Variants in CSMD2 observed in about 807,000 individuals in gnomAD.
CSMD2 encodes CUB and Sushi multiple domains 2.
A neutral mutation model predicts 398.5 loss-of-function variants in CSMD2; 130 were observed. That is an observed-to-expected ratio of 0.33 (90% CI 0.28 to 0.38). The LOEUF (loss-of-function observed/expected upper bound fraction) is 0.38. CSMD2 is among the 10% of genes least tolerant of loss of function. CSMD2 has a pLI of 1.00. For missense variants in CSMD2, 3,829 were observed against 4,764.9 expected, an observed-to-expected ratio of 0.80 and a Z score of 5.78; for synonymous variants, 1,828 against 1,908.5, an observed-to-expected ratio of 0.96 and a Z score of 1.10.
At chr1:34,112,379 C>T (rs1209902763) in intron 1 of CSMD2, among the ~76,000 whole-genome samples, 7 of 152,166 alleles carry the variant, frequency 4.6e-5, no homozygotes, top group African/African-American at 1.7e-4. Context: ...CAGCCCCAGC[C>T]TATATAACTA....
At chr1:33,868,082 G>A (rs1346502921) in intron 5 of CSMD2, among the ~76,000 whole-genome samples, 2 of 152,162 alleles carry the variant, frequency 1.3e-5, no homozygotes, top group African/African-American at 2.4e-5. Flanking sequence ...GAGAGAGGGA[G>A]GGAAGGAGGA....
At chr1:34,038,006 G>A (rs1304956769) in intron 2 of CSMD2, among the ~76,000 whole-genome samples, 3 of 152,142 alleles carry the variant, frequency 2.0e-5, no homozygotes, top group Admixed American at 1.3e-4. Context: ...CCCAGGGTTG[G>A]TAGATAAATT....
intron 3 of CSMD2, among the ~76,000 whole-genome samples, chr1:33,985,759 C>T (rs12046322): frequency 0.19 from 29,308 of 152,124 alleles, 3,947 homozygotes; most frequent in East Asian, 0.67. Context: ...CCTTGGTGCA[C>T]TGCCAAGCTT....
chr1:33,848,806 G>C (rs1396604267), intron 5 of CSMD2, among the ~76,000 whole-genome samples: 1 of 103,250 alleles, frequency 9.7e-6, no homozygotes, highest in Non-Finnish European at 1.9e-5. Context: ...CAAACGTATT[G>C]TGGGTTTTTT....
intron 1 of CSMD2, among the ~76,000 whole-genome samples, chr1:34,159,328 G>A (rs943563850): frequency 8.7e-5 from 7 of 80,548 alleles, no homozygotes; most frequent in African/African-American, 2.3e-4. Context: ...TTTACAGCCT[G>A]CCCCCCCCCC....
intron 14 of CSMD2, among the ~76,000 whole-genome samples, chr1:33,741,373 A>G (rs1477467531): frequency 6.6e-6 from 1 of 152,174 alleles, no homozygotes; most frequent in East Asian, 1.9e-4. Context: ...ACACTTGGCC[A>G]TGGAGGATTG....
intron 49 of CSMD2, among the ~76,000 whole-genome samples, chr1:33,576,351 G>T (rs544329975): frequency 1.3e-5 from 2 of 152,322 alleles, no homozygotes; most frequent in East Asian, 3.9e-4. Context: ...AGCACTCTGG[G>T]AGACCGAGGT....
At chr1:33,990,885 G>A (rs904523180) in intron 3 of CSMD2, among the ~76,000 whole-genome samples, 2 of 152,038 alleles carry the variant, frequency 1.3e-5, no homozygotes, top group Admixed American at 6.6e-5. Context: ...GGATAAAAAT[G>A]AATAATGTTT....
intron 3 of CSMD2, among the ~76,000 whole-genome samples, chr1:33,955,826 G>C (rs953794288): frequency 6.6e-6 from 1 of 152,122 alleles, no homozygotes; most frequent in Non-Finnish European, 1.5e-5. Context: ...CCGGCGTTCA[G>C]TCTACTTTCT....
At position 33,652,449 on chromosome 1, in the gene CSMD2, C is replaced by T. The variant is rs773010391; in HGVS notation, c.4460G>A (p.Gly1487Glu). 6.2e-6 allele frequency: 10 copies of T among 1,614,052 alleles called. No homozygotes were observed. Among genetic ancestry groups the T allele is most frequent in the Non-Finnish European group, 8.5e-6 (10 of 1,179,968 alleles). The change falls in exon 28 of 71, where the codon GGA becomes GAA. Residue 1487 changes from glycine (G) to glutamate (E), a missense_variant. Transcript: ENST00000373381. ...GACTCCAGATGGTCCTGTCAGGTCT[C>T]CCCCGCAGGGAGCTGAGGAGAGAAG... ...SPPTCIAPCG[G>E]DLTGPSGVIL... is the part of the protein sequence containing the mutation.
chr1:33,730,617 GAA>G (rs59364675), intron 15 of CSMD2, among the ~76,000 whole-genome samples: 3,183 of 138,178 alleles, frequency 0.023, 120 homozygotes, highest in African/African-American at 0.076. Flanking sequence ...AAAAAGAAAT[GAA>G]AAAAAAAAAA....
chr1:34,091,273 C>T (rs1658525429), intron 1 of CSMD2, among the ~76,000 whole-genome samples: 1 of 152,112 alleles, frequency 6.6e-6, no homozygotes, highest in Non-Finnish European at 1.5e-5. Context: ...ATGGTAAATT[C>T]TCAATAATTT....
At chr1:33,590,456 G>C (rs1639360006) in intron 44 of CSMD2, among the ~76,000 whole-genome samples, 1 of 151,632 alleles carries the variant, frequency 6.6e-6, no homozygotes, top group Non-Finnish European at 1.5e-5. Flanking sequence ...ACAAATTTCT[G>C]TTTAATGCGG....
chr1:33,756,194 G>A (rs1417434025), intron 13 of CSMD2, among the ~76,000 whole-genome samples: 2 of 152,116 alleles, frequency 1.3e-5, no homozygotes, highest in East Asian at 1.9e-4. Flanking sequence ...CCTCTTTAGG[G>A]CACCTCATCC....
intron 4 of CSMD2, among the ~76,000 whole-genome samples, chr1:33,924,378 A>G (rs1026372533): frequency 5.3e-5 from 8 of 152,298 alleles, no homozygotes; most frequent in African/African-American, 1.9e-4. Context: ...TCCACCATGT[A>G]TGTGTATACC....
Position 33,630,516 on chromosome 1 carries a change from T to A in CSMD2, c.5200+2906A>T, listed in dbSNP as rs1318354299. On this transcript the variant is annotated intron_variant, in intron 32 of 70. Coordinates refer to ENST00000373381, the MANE Select transcript of CSMD2 (RefSeq NM_001281956.2). ...CTCAGAGAGGTCAAGTATTGTGCCT[T>A]AAGTCACCTAGAAAACAAATAGGAG... is the stretch of plus-strand genomic sequence containing the variant. 2.0e-5 allele frequency among the ~76,000 whole-genome samples: 3 copies of A among 152,220 alleles called. No individual in the cohort carries two copies. In the East Asian group the frequency reaches 5.8e-4, roughly 29 times the overall value.
At chr1:33,717,113 A>C (rs1371383976) in intron 19 of CSMD2, among the ~76,000 whole-genome samples, 1 of 152,046 alleles carries the variant, frequency 6.6e-6, no homozygotes, top group Non-Finnish European at 1.5e-5. Flanking sequence ...CAGGAGACCC[A>C]TATGTGTAAA....
At chr1:33,814,448 A>G (rs1161240459) in intron 9 of CSMD2, among the ~76,000 whole-genome samples, 1 of 151,460 alleles carries the variant, frequency 6.6e-6, no homozygotes, top group Non-Finnish European at 1.5e-5. Flanking sequence ...CATGTTCTAG[A>G]CATTCCTTGA....
chr1:33,571,435 T>C, intron 51 of CSMD2, 97 bp downstream of exon 51: 2 of 901,628 alleles, frequency 2.2e-6, no homozygotes, highest in Non-Finnish European at 3.0e-6. Context: ...TCCCTGGTGA[T>C]ACCCCTTTTT....
Sources: allele counts gnomAD v4.1 joint callset (sites outside exome capture counted in the v4.1 genomes callset), GRCh38; gene constraint gnomAD v4.1.1; transcripts MANE v1.5; gene names NCBI Gene and HGNC (gene_info 2026-07-23, HGNC 2026-07-21).